Variants in KCNK13 observed in about 807,000 individuals in gnomAD.
The protein encoded by KCNK13 is potassium channel subfamily K member 13.
In KCNK13, 12 loss-of-function variants were observed where a neutral mutation model predicts 23.4. That is an observed-to-expected ratio of 0.51 (90% CI 0.33 to 0.83). The LOEUF (loss-of-function observed/expected upper bound fraction) is 0.83, where lower values mean the gene tolerates loss of function less well. Ranked by LOEUF, KCNK13 falls within the 40% of genes least tolerant of loss-of-function variation. The pLI is 0.02. For missense variants in KCNK13, 463 were observed against 556.3 expected, an observed-to-expected ratio of 0.83 and a Z score of 1.69; for synonymous variants, 231 against 229.5, an observed-to-expected ratio of 1.01 and a Z score of -0.06.
chr14:90,074,162 G>T (rs751756048), intron 1 of KCNK13, among the ~76,000 whole-genome samples: 1 of 151,140 alleles, frequency 6.6e-6, no homozygotes, highest in Non-Finnish European at 1.5e-5. Context: ...TAGAAACAGG[G>T]TGTCACCATA....
chr14:90,085,013 G>T (rs1352325581), intron 1 of KCNK13, among the ~76,000 whole-genome samples: 1 of 151,952 alleles, frequency 6.6e-6, no homozygotes, highest in Non-Finnish European at 1.5e-5. Context: ...CGTGATCTTG[G>T]CTCACTGCAA....
chr14:90,111,888 A>G (rs959424639), intron 1 of KCNK13, among the ~76,000 whole-genome samples: 6 of 152,208 alleles, frequency 3.9e-5, no homozygotes, highest in African/African-American at 1.4e-4. Context: ...TCTTCCACGC[A>G]TCCCTCACAG....
chr14:90,092,785 T>C (rs1343296862), intron 1 of KCNK13, among the ~76,000 whole-genome samples: 7 of 151,748 alleles, frequency 4.6e-5, no homozygotes, highest in East Asian at 1.9e-4. Flanking sequence ...TGATGGTGCA[T>C]GCCTGTAATC....
At chr14:90,066,353 G>A (rs894425192) in intron 1 of KCNK13, among the ~76,000 whole-genome samples, 3 of 151,664 alleles carry the variant, frequency 2.0e-5, no homozygotes, top group Non-Finnish European at 2.9e-5. Context: ...CAACGTCCGT[G>A]CCTCCCAGGT....
At chr14:90,123,738 C>A (rs1456755363) in intron 1 of KCNK13, among the ~76,000 whole-genome samples, 1 of 152,080 alleles carries the variant, frequency 6.6e-6, no homozygotes, top group Non-Finnish European at 1.5e-5. Context: ...CTCAAATGTT[C>A]CTCCTGACTC....
chr14:90,144,145 A>G (rs916247630), intron 1 of KCNK13, among the ~76,000 whole-genome samples: 1 of 152,204 alleles, frequency 6.6e-6, no homozygotes. Flanking sequence ...TCTGGGGAGA[A>G]CTGACATCCT....
intron 1 of KCNK13, among the ~76,000 whole-genome samples, chr14:90,126,741 G>C (rs1596789225): frequency 6.6e-6 from 1 of 151,888 alleles, no homozygotes; most frequent in Admixed American, 6.6e-5. Flanking sequence ...ACTGGGTTTC[G>C]CCATTTTACC....
intron 1 of KCNK13, among the ~76,000 whole-genome samples, chr14:90,089,980 A>G (rs1316010488): frequency 6.6e-6 from 1 of 152,214 alleles, no homozygotes; most frequent in Admixed American, 6.5e-5. Context: ...GTTTGCTTGA[A>G]GGGGCGGGGC....
intron 1 of KCNK13, among the ~76,000 whole-genome samples, chr14:90,166,011 TAA>T (rs929665709): frequency 6.6e-6 from 1 of 152,268 alleles, no homozygotes; most frequent in African/African-American, 2.4e-5. Flanking sequence ...GCAGATGATT[TAA>T]AGAGTCTCTA....
At chr14:90,145,224 A>G (rs1173065560) in intron 1 of KCNK13, among the ~76,000 whole-genome samples, 3 of 152,124 alleles carry the variant, frequency 2.0e-5, no homozygotes, top group Non-Finnish European at 2.9e-5. Context: ...CCTGGGCAAT[A>G]TGGCAAAAAA....
rs1238586924 is a variant in KCNK13, at chr14:90,066,163, A to G, written c.334+3624A>G. ...ATTTTTTTTTTTTTTTTTAGTGGAG[A>G]TGGGGTTTTGACATGTTGGCCAGGC... is the stretch of plus-strand genomic sequence containing the variant. On this transcript the variant is annotated intron_variant, in intron 1 of 1. Transcript: ENST00000282146. Among the ~76,000 whole-genome samples the G allele has an allele frequency of 3.5e-4, 47 of 133,280 alleles. No individual in the cohort carries two copies. The East Asian group carries it at 1.0e-2, about 28-fold the overall frequency. 87.4% of individuals were successfully genotyped at this position (133,280 alleles called of 152,430 possible).
chr14:90,126,324 G>A (rs771628447), intron 1 of KCNK13, among the ~76,000 whole-genome samples: 7 of 152,102 alleles, frequency 4.6e-5, no homozygotes, highest in Non-Finnish European at 8.8e-5. Context: ...CACGGGCCGA[G>A]GAATGTCTAA....
chr14:90,078,377 G>A (rs1459726784), intron 1 of KCNK13, among the ~76,000 whole-genome samples: 1 of 141,764 alleles, frequency 7.1e-6, no homozygotes, highest in Admixed American at 7.4e-5. Context: ...CCAAGGTCAT[G>A]CCATTGTACT....
chr14:90,117,302 G>A (rs1166751508), intron 1 of KCNK13, among the ~76,000 whole-genome samples: 1 of 152,050 alleles, frequency 6.6e-6, no homozygotes, highest in East Asian at 1.9e-4. Flanking sequence ...TAAAACTTAG[G>A]AATTGGGCTG....
chr14:90,143,151 C>CTTT, intron 1 of KCNK13, among the ~76,000 whole-genome samples: 1 of 7,562 alleles, frequency 1.3e-4, no homozygotes, highest in African/African-American at 2.1e-4. Context: ...CAGAAACTTT[C>CTTT]TTTCTTTCTT....
rs1232535997 is a variant in KCNK13, at chr14:90,185,301, C to T, written c.*298C>T. 7.6e-6 allele frequency: 2 copies of T among 263,378 alleles called. No individual in the cohort carries two copies. The highest frequency in any genetic ancestry group is 1.4e-5 in the Non-Finnish European group (2 of 139,554). The allele number at this position is 263,378 out of a possible 1,614,324, so 16.3% of individuals were successfully genotyped here. On this transcript the variant is annotated 3_prime_UTR_variant, in exon 2 of 2. Coordinates refer to ENST00000282146, the MANE Select transcript of KCNK13 (RefSeq NM_022054.4). ...TTGCCTTGTTTCATTAATCTTGTTT[C>T]AGAGCTTTAGCTGCCTGAGGAGATA...
chr14:90,098,777 C>T (rs1329447980), intron 1 of KCNK13, among the ~76,000 whole-genome samples: 2 of 151,620 alleles, frequency 1.3e-5, no homozygotes, highest in Non-Finnish European at 2.9e-5. Flanking sequence ...TTTATATTTA[C>T]CGTTGAAATT....
At chr14:90,181,149 C>T in intron 1 of KCNK13, among the ~76,000 whole-genome samples, 1 of 152,124 alleles carries the variant, frequency 6.6e-6, no homozygotes, top group Non-Finnish European at 1.5e-5. Flanking sequence ...GCCACCATGC[C>T]CAGCCCACTG....
At chr14:90,076,624 G>A (rs1566947022) in intron 1 of KCNK13, among the ~76,000 whole-genome samples, 1 of 152,096 alleles carries the variant, frequency 6.6e-6, no homozygotes, top group Non-Finnish European at 1.5e-5. Flanking sequence ...CTCAAATGCA[G>A]CTAGAGTTTC....
Sources: allele counts gnomAD v4.1 joint callset (sites outside exome capture counted in the v4.1 genomes callset), GRCh38; gene constraint gnomAD v4.1.1; transcripts MANE v1.5; gene names NCBI Gene and HGNC (gene_info 2026-07-23, HGNC 2026-07-21).